The following CDC40 variants were observed in gnomAD, a reference collection of about 807,000 sequenced individuals.
CDC40 encodes the protein cell division cycle 40, also known as pre-mRNA-processing factor 17.
In CDC40, 27 loss-of-function variants were observed where a neutral mutation model predicts 80.6. The ratio of observed to expected loss-of-function variants is 0.33; its 90% CI spans 0.25 to 0.46. CDC40 has a LOEUF of 0.46. Ranked by LOEUF, CDC40 falls within the 20% of genes least tolerant of loss-of-function variation. The pLI, the probability that CDC40 is intolerant of heterozygous loss-of-function variation, is 1.00. For synonymous variants in CDC40, 221 were observed against 232.6 expected (o/e 0.95, Z 0.45); for missense variants, 486 against 694.1 (o/e 0.70, Z 3.37).
Position 110,186,392 on chromosome 6 carries a change from G to A in CDC40, c.189+5759G>A, listed in dbSNP as rs192674251. Among the ~76,000 whole-genome samples, 20 of 152,204 alleles carry A rather than the reference G, an allele frequency of 1.3e-4. No individual in the cohort carries two copies. In the East Asian group the frequency reaches 2.3e-3, roughly 18 times the overall value. ...CCAGCTACTTGGGAGGCTAAGGTAG[G>A]GGGATCGCTGGAGCCAAAGAGGCAG... is the stretch of plus-strand genomic sequence containing the variant. On this transcript the variant is annotated intron_variant, in intron 1 of 14. Transcript: ENST00000307731.
intron 13 of CDC40, 145 bp from the exon 14 acceptor site, chr6:110,228,687 C>T: frequency 1.8e-6 from 1 of 560,646 alleles, no homozygotes; most frequent in South Asian, 2.9e-5. Flanking sequence ...TAACATTTTA[C>T]AGGTGGTATA....
chr6:110,210,524 C>T (rs1777623974), intron 5 of CDC40, among the ~76,000 whole-genome samples, 183 bp from the exon 6 acceptor site: 1 of 145,372 alleles, frequency 6.9e-6, no homozygotes, highest in African/African-American at 2.6e-5. Context: ...TGCACTCCAG[C>T]CTGGGCGACA....
intron 2 of CDC40, among the ~76,000 whole-genome samples, chr6:110,194,417 A>G (rs145669582): frequency 2.6e-5 from 4 of 152,248 alleles, no homozygotes; most frequent in African/African-American, 7.2e-5. Flanking sequence ...TTCATATAGT[A>G]CTTTTCCTGC....
Position 110,228,830 on chromosome 6 carries a change from A to G in CDC40, c.1418-2A>G. 2.5e-6 allele frequency: 4 copies of G among 1,569,816 alleles called. No individual in the cohort carries two copies. The highest frequency in any genetic ancestry group is 3.4e-6 in the Non-Finnish European group (4 of 1,166,942). On this transcript the variant is annotated splice_acceptor_variant, in intron 13 of 14. Coordinates refer to ENST00000307731, the MANE Select transcript of CDC40 (RefSeq NM_015891.3). LOFTEE classifies it high-confidence loss of function. ...AAAATACCTCATTTATTGAATTTAC[A>G]GGAAAATGGCTAGCATGCCAATCAA... is the stretch of plus-strand genomic sequence containing the variant.
intron 2 of CDC40, among the ~76,000 whole-genome samples, chr6:110,194,370 A>G (rs1777391026): frequency 6.6e-6 from 1 of 152,220 alleles, no homozygotes; most frequent in African/African-American, 2.4e-5. Context: ...TTGTAGCATA[A>G]ATTAGCCCTT....
intron 1 of CDC40, among the ~76,000 whole-genome samples, chr6:110,183,060 G>T (rs773706314): frequency 2.6e-5 from 4 of 152,136 alleles, no homozygotes; most frequent in African/African-American, 9.7e-5. Context: ...TTTTGCCCAC[G>T]CTAGTCTTTC....
intron 3 of CDC40, among the ~76,000 whole-genome samples, chr6:110,206,348 CTTT>C (rs1020743713): frequency 3.9e-5 from 6 of 152,240 alleles, no homozygotes; most frequent in African/African-American, 7.2e-5. Context: ...GGGCTTAGTA[CTTT>C]TTTATGTATT....
intron 1 of CDC40, among the ~76,000 whole-genome samples, chr6:110,182,605 C>T (rs553795491): frequency 1.3e-5 from 2 of 152,326 alleles, no homozygotes; most frequent in East Asian, 3.9e-4. Context: ...CTCACATCAA[C>T]TCCTTCCTTG....
chr6:110,219,513 A>C, intron 11 of CDC40, 34 bp downstream of exon 11: 1 of 1,254,810 alleles, frequency 8.0e-7, no homozygotes, highest in South Asian at 1.2e-5. Flanking sequence ...TAAGACTCCT[A>C]AGCTTTATGT....
chr6:110,212,164 C>G lies in CDC40; in HGVS notation c.759C>G (p.Ser253=). ...VKEMYDYQGR[S]YLHIPQDVGV... Reference sequence around the variant, plus strand: ...AAATGTATGACTATCAAGGCAGGTCCTATCTTCACATACCTCAGGATGTTG... The same window carrying G: ...AAATGTATGACTATCAAGGCAGGTCGTATCTTCACATACCTCAGGATGTTG... Residue 253 remains serine (S), a synonymous_variant, in exon 7 of 15, where the codon TCC becomes TCG. Coordinates refer to ENST00000307731, the MANE Select transcript of CDC40 (RefSeq NM_015891.3). The G allele has an allele frequency of 6.2e-7, 1 of 1,613,498 alleles. No homozygotes were observed. The highest frequency in any genetic ancestry group is 8.5e-7 in the Non-Finnish European group (1 of 1,179,484).
At chr6:110,193,085 A>G in intron 1 of CDC40, 97 bp from the exon 2 acceptor site, 2 of 710,494 alleles carry the variant, frequency 2.8e-6, no homozygotes, top group Non-Finnish European at 5.1e-6. Flanking sequence ...ATAACCATAA[A>G]ATAGATGTTA....
At chr6:110,204,139 T>G (rs1251340139) in intron 3 of CDC40, among the ~76,000 whole-genome samples, 11 of 151,788 alleles carry the variant, frequency 7.2e-5, no homozygotes, top group Admixed American at 2.0e-4. Flanking sequence ...TCAGCCTCCC[T>G]AGTAGCTGGG....
At chr6:110,218,059 A>AT (rs913997901) in intron 10 of CDC40, among the ~76,000 whole-genome samples, 1 of 152,250 alleles carries the variant, frequency 6.6e-6, no homozygotes, top group African/African-American at 2.4e-5. Flanking sequence ...GAAATCTTGT[A>AT]TAGGCCATCT....
chr6:110,192,938 G>A (rs1777370411), intron 1 of CDC40, among the ~76,000 whole-genome samples: 1 of 152,136 alleles, frequency 6.6e-6, no homozygotes, highest in Non-Finnish European at 1.5e-5. Flanking sequence ...TTTGAGTAAT[G>A]TTAACTTATT....
At chr6:110,216,902 A>G (rs1044853881) in intron 9 of CDC40, among the ~76,000 whole-genome samples, 1 of 152,140 alleles carries the variant, frequency 6.6e-6, no homozygotes, top group Non-Finnish European at 1.5e-5. Flanking sequence ...TCTTAAAGCA[A>G]AAGAAGGTAG....
intron 2 of CDC40, among the ~76,000 whole-genome samples, chr6:110,198,276 C>A (rs995464961): frequency 2.0e-5 from 3 of 151,188 alleles, no homozygotes; most frequent in Non-Finnish European, 4.4e-5. Flanking sequence ...CTCCTGAGTT[C>A]AAGCGATTGT....
intron 1 of CDC40, among the ~76,000 whole-genome samples, chr6:110,185,387 C>G (rs1377348436): frequency 1.3e-5 from 2 of 150,354 alleles, no homozygotes; most frequent in Non-Finnish European, 3.0e-5. Context: ...GGACTACAGG[C>G]GCCCGCCACT....
chr6:110,182,713 C>CT (rs1777215449), intron 1 of CDC40, among the ~76,000 whole-genome samples: 1 of 152,202 alleles, frequency 6.6e-6, no homozygotes, highest in South Asian at 2.1e-4. Context: ...GTTCTGTCCA[C>CT]TTTAACTCAA....
chr6:110,190,611 A>G (rs4339500), intron 1 of CDC40, among the ~76,000 whole-genome samples: 35,223 of 152,056 alleles, frequency 0.23, 6,214 homozygotes, highest in African/African-American at 0.49. Context: ...AAATTTAGTA[A>G]GCAGTTGGAT....
Sources: allele counts gnomAD v4.1 joint callset (sites outside exome capture counted in the v4.1 genomes callset), GRCh38; gene constraint gnomAD v4.1.1; transcripts MANE v1.5; gene names NCBI Gene and HGNC (gene_info 2026-07-23, HGNC 2026-07-21).